The following PTBP3 variants were observed in gnomAD, a reference collection of about 807,000 sequenced individuals.
PTBP3 encodes polypyrimidine tract-binding protein 3.
A neutral mutation model predicts 58.7 loss-of-function variants in PTBP3; 20 were observed. The observed-to-expected ratio is 0.34, with a 90% confidence interval of 0.24 to 0.50. The LOEUF is 0.50. Among genes scored for constraint, PTBP3 ranks in the 20% least tolerant of loss-of-function variants. PTBP3 has a pLI of 0.98. For synonymous variants in PTBP3, 185 were observed against 219.8 expected, an observed-to-expected ratio of 0.84 and a Z score of 1.40; for missense variants, 509 against 637.2, an observed-to-expected ratio of 0.80 and a Z score of 2.17.
the PTBP3 span, among the ~76,000 whole-genome samples, chr9:112,373,379 C>T: frequency 6.6e-6 from 1 of 152,180 alleles, no homozygotes; most frequent in African/African-American, 2.4e-5. Context: ...GCCATTCTAA[C>T]CTTTTCACAT....
Position 112,297,936 on chromosome 9 carries a change from T to C in PTBP3, c.-51-20A>G, listed in dbSNP as rs1158200368. On this transcript the variant is annotated intron_variant, in intron 1 of 13. Coordinates refer to ENST00000374257, the MANE Select transcript of PTBP3 (RefSeq NM_001163788.4). Reference sequence around the variant, plus strand: ...TCCCCGCTGAAAAGCAAAACCAATGTTTGGTTAATAAACCAAGTTTTAGAT... The same window carrying C: ...TCCCCGCTGAAAAGCAAAACCAATGCTTGGTTAATAAACCAAGTTTTAGAT... 6.3e-7 allele frequency: 1 copy of C among 1,589,970 alleles called. No individual in the cohort carries two copies. Among genetic ancestry groups the C allele is most frequent in the South Asian group, 1.1e-5 (1 of 87,832 alleles).
intron 1 of PTBP3, among the ~76,000 whole-genome samples, chr9:112,319,637 A>G (rs926373891): frequency 6.6e-6 from 1 of 152,342 alleles, no homozygotes; most frequent in Non-Finnish European, 1.5e-5. Flanking sequence ...AATATTAAAA[A>G]TACAACTACC....
intron 7 of PTBP3, among the ~76,000 whole-genome samples, chr9:112,236,501 G>C (rs1449510153): frequency 1.3e-5 from 2 of 152,076 alleles, no homozygotes; most frequent in Non-Finnish European, 2.9e-5. Context: ...TTCACAAAGA[G>C]GCCTCAAGAT....
intron 7 of PTBP3, among the ~76,000 whole-genome samples, chr9:112,238,730 G>A (rs572819936): frequency 1.3e-5 from 2 of 152,010 alleles, no homozygotes; most frequent in East Asian, 1.9e-4. Flanking sequence ...GAGCAACAAT[G>A]GACATCAGAA....
the PTBP3 span, among the ~76,000 whole-genome samples, chr9:112,373,713 A>G: frequency 1.3e-5 from 2 of 152,270 alleles, no homozygotes. Flanking sequence ...GCTGTTACAT[A>G]AAGTTAACAA....
rs1169890191 is a variant in PTBP3 at position 112,222,919 on chromosome 9, T to TA, written c.*931dup. On this transcript the variant is annotated 3_prime_UTR_variant, in exon 14 of 14. Transcript: ENST00000374257. Reference sequence around the variant, plus strand: ...AGAAGACCTTACCAAAAATAACTTTTAAAAAATCTGTCAAACCATATGATA... The same window carrying TA: ...AGAAGACCTTACCAAAAATAACTTTTAAAAAAATCTGTCAAACCATATGATA... The TA allele has an allele frequency of 1.1e-6, 1 of 876,210 alleles. No individual in the cohort carries two copies. The highest frequency in any genetic ancestry group is 1.4e-6 in the Non-Finnish European group (1 of 730,270). The allele number at this position is 876,210 out of a possible 1,614,324, so 54.3% of individuals were successfully genotyped here.
intron 6 of PTBP3, among the ~76,000 whole-genome samples, chr9:112,251,902 G>A (rs1360999896): frequency 6.6e-6 from 1 of 151,886 alleles, no homozygotes; most frequent in Non-Finnish European, 1.5e-5. Flanking sequence ...AAATATAAAG[G>A]CTATACTCCC....
At chr9:112,369,586 A>G in the PTBP3 span, among the ~76,000 whole-genome samples, 1 of 152,208 alleles carries the variant, frequency 6.6e-6, no homozygotes, top group South Asian at 2.1e-4. Flanking sequence ...GTATCTAGGA[A>G]GTAACTAACT....
At chr9:112,311,862 C>T (rs1389118673) in intron 1 of PTBP3, among the ~76,000 whole-genome samples, 1 of 152,140 alleles carries the variant, frequency 6.6e-6, no homozygotes, top group African/African-American at 2.4e-5. Context: ...GCAAGAGGAT[C>T]ATCAGAGCCC....
intron 1 of PTBP3, among the ~76,000 whole-genome samples, chr9:112,316,886 C>T (rs993587520): frequency 2.6e-5 from 4 of 151,706 alleles, no homozygotes; most frequent in African/African-American, 4.8e-5. Flanking sequence ...GCAGGAAAAT[C>T]GCTTGAACCC....
At chr9:112,330,383 C>A (rs1830319200) in intron 1 of PTBP3, 2 of 1,295,636 alleles carry the variant, frequency 1.5e-6, no homozygotes, top group East Asian at 2.4e-5. Context: ...ACAGGTGAGA[C>A]TGAAAATATG....
the PTBP3 span, among the ~76,000 whole-genome samples, chr9:112,345,827 A>G: frequency 6.6e-6 from 1 of 152,124 alleles, no homozygotes; most frequent in Non-Finnish European, 1.5e-5. Context: ...GAAAAAATGT[A>G]GTATTGCCAT....
chr9:112,305,560 T>G (rs529480492), intron 1 of PTBP3, among the ~76,000 whole-genome samples: 1 of 152,212 alleles, frequency 6.6e-6, no homozygotes, highest in Non-Finnish European at 1.5e-5. Context: ...TCGACAACAG[T>G]ACTTCCCAGG....
At chr9:112,370,250 TG>T in the PTBP3 span, among the ~76,000 whole-genome samples, 1 of 152,144 alleles carries the variant, frequency 6.6e-6, no homozygotes, top group African/African-American at 2.4e-5. Context: ...TTTTAAAATA[TG>T]GAAGTGTGGG....
chr9:112,228,323 T>G, intron 11 of PTBP3, 57 bp downstream of exon 11: 7 of 1,295,764 alleles, frequency 5.4e-6, no homozygotes, highest in Non-Finnish European at 7.4e-6. Flanking sequence ...TGAAGGAAAA[T>G]TCACACACAA....
chr9:112,285,604 A>G (rs897063380), intron 2 of PTBP3, among the ~76,000 whole-genome samples: 2 of 152,220 alleles, frequency 1.3e-5, no homozygotes, highest in African/African-American at 4.8e-5. Flanking sequence ...GATCTCTGTC[A>G]GAACTACTCA....
intron 3 of PTBP3, among the ~76,000 whole-genome samples, chr9:112,270,281 C>T (rs940792593): frequency 7.2e-5 from 11 of 152,062 alleles, no homozygotes; most frequent in South Asian, 4.1e-4. Flanking sequence ...ACCCATGTTA[C>T]ATTTTGAAAA....
At chr9:112,307,962 T>C (rs1162871274) in intron 1 of PTBP3, among the ~76,000 whole-genome samples, 1 of 152,268 alleles carries the variant, frequency 6.6e-6, no homozygotes, top group Non-Finnish European at 1.5e-5. Flanking sequence ...TTTGTTGTTG[T>C]TAGCTCATCA....
At chr9:112,236,393 T>C (rs140477326) in intron 7 of PTBP3, among the ~76,000 whole-genome samples, 60 of 152,272 alleles carry the variant, frequency 3.9e-4, no homozygotes, top group Admixed American at 5.9e-4. Context: ...GACAAGATTT[T>C]GTCTTTGCTA....
Sources: allele counts gnomAD v4.1 joint callset (sites outside exome capture counted in the v4.1 genomes callset), GRCh38; gene constraint gnomAD v4.1.1; transcripts MANE v1.5; gene names NCBI Gene and HGNC (gene_info 2026-07-23, HGNC 2026-07-21).